SZT2: variants seen among roughly 807,000 people sequenced by gnomAD.
SZT2 encodes the protein KICSTOR complex protein SZT2.
In SZT2, 216 loss-of-function variants were observed where a neutral mutation model predicts 404.2. The observed-to-expected ratio is 0.53, with a 90% CI of 0.48 to 0.60. SZT2 has a LOEUF of 0.60. SZT2 is among the 20% of genes least tolerant of loss of function. The pLI, the probability that SZT2 is intolerant of heterozygous loss-of-function variation, is 0.00. For missense variants in SZT2, 3,857 were observed against 4,459.2 expected (o/e 0.86, Z 3.85); for synonymous variants, 1,693 against 1,749.9 (o/e 0.97, Z 0.81).
intron 1 of SZT2, chr1:43,394,179 G>T: frequency 3.8e-5 from 17 of 442,794 alleles, no homozygotes; most frequent in Non-Finnish European, 5.1e-5. Flanking sequence ...GACCTTGTTA[G>T]AATGTAGATT....
intron 42 of SZT2, 137 bp downstream of exon 42, chr1:43,435,466 G>A (rs1014304327): frequency 2.3e-5 from 23 of 991,742 alleles, no homozygotes; most frequent in Non-Finnish European, 3.2e-5. Flanking sequence ...GAGCAAGGAG[G>A]ATAGGACAGG....
Position 43,439,483 on chromosome 1 carries a change from G to A in SZT2, c.6877+41G>A. 6.3e-7 allele frequency: 1 copy of A among 1,598,202 alleles called. No individual in the cohort carries two copies. Among genetic ancestry groups the A allele is most frequent in the Non-Finnish European group, 8.5e-7 (1 of 1,170,704 alleles). ...CGGGCCTGTGGCACCACCAGGTGAG[G>A]GAAAGCCTTTTGTCATCCTATTGCT... is the stretch of plus-strand genomic sequence containing the variant. On this transcript the variant is annotated intron_variant, in intron 49 of 71. Coordinates refer to ENST00000634258, the MANE Select transcript of SZT2 (RefSeq NM_001365999.1). The surrounding 1 kb of genome is among the most constrained non-coding windows in gnomAD (Gnocchi z 4.2).
In SZT2 at chr1:43,443,181, C is replaced by G; in HGVS notation, c.8420-7C>G. The G allele has an allele frequency of 6.2e-7, 1 of 1,614,160 alleles. No homozygotes were observed. The highest frequency in any genetic ancestry group is 8.5e-7 in the Non-Finnish European group (1 of 1,180,010). On this transcript the variant is annotated splice_region_variant and splice_polypyrimidine_tract_variant and intron_variant, in intron 59 of 71. Coordinates refer to ENST00000634258, the MANE Select transcript of SZT2 (RefSeq NM_001365999.1). ...CTGGGGCTACTACTAATGCCCTCAA[C>G]CCTCAGAGCTGGAGCGCCAGATGAA...
intron 11 of SZT2, 41 bp downstream of exon 11, chr1:43,421,344 C>T: frequency 6.3e-7 from 1 of 1,591,610 alleles, no homozygotes; most frequent in Non-Finnish European, 8.5e-7. Context: ...TTCATGTCAA[C>T]TTGGGTTGCA....
At position 43,430,676 on chromosome 1, in the gene SZT2, G is replaced by A. The variant is rs2153933879; in HGVS notation, c.4661G>A (p.Gly1554Glu). The part of the protein sequence containing the change: ...FSILGGDSPT[G>E]PESFLHDLPP... ...ATCTTGGGGGGCGACTCACCCACTG[G>A]GCCTGAGAGCTTCCTTCATGACCTG... is the stretch of plus-strand genomic sequence containing the variant. The change falls in exon 32 of 72, where the codon GGG becomes GAG. Residue 1554 changes from glycine to glutamate, a missense_variant. Gly to Glu is a moderately conservative substitution (Grantham distance 98, BLOSUM62 -2). Transcript: ENST00000634258. 6.2e-7 allele frequency: 1 copy of A among 1,613,932 alleles called. No homozygotes were observed. Among genetic ancestry groups the A allele is most frequent in the Admixed American group, 1.7e-5 (1 of 60,000 alleles).
At position 43,447,116 on chromosome 1, in the gene SZT2, C is replaced by T. The variant is rs765876583; in HGVS notation, c.9234C>T (p.Phe3078=). 1.9e-6 allele frequency: 3 copies of T among 1,613,848 alleles called. No individual in the cohort carries two copies. The highest frequency in any genetic ancestry group is 2.5e-6 in the Non-Finnish European group (3 of 1,179,994). ...GYHLTTFLRH[F]LAHHPDGPHF... is the part of the protein sequence containing the mutation. ...ACCTCACCACCTTTCTGCGACACTT[C>T]CTGGCCCACCACCCTGACGGACCCC... Residue 3078 remains phenylalanine (F), a synonymous_variant, in exon 66 of 72, where the codon TTC becomes TTT. Transcript: ENST00000634258.
At chr1:43,405,841 C>T (rs1051490812) in intron 4 of SZT2, 1 of 152,260 alleles carries the variant, frequency 6.6e-6, no homozygotes, top group African/African-American at 2.4e-5. Flanking sequence ...GGTTGGCAAA[C>T]ACTTAATGAA....
intron 28 of SZT2, 133 bp from the exon 29 acceptor site, chr1:43,429,570 C>A (rs920615141): frequency 2.0e-5 from 22 of 1,078,286 alleles, no homozygotes; most frequent in Admixed American, 7.1e-5. Context: ...GCCTCTTTTA[C>A]CACCCATGCC....
At position 43,442,769 on chromosome 1, in the gene SZT2, A is replaced by G; in HGVS notation, c.8152-50A>G. On this transcript the variant is annotated intron_variant, in intron 58 of 71. Transcript: ENST00000634258. This position sits in a 1 kb window ranked among gnomAD's most constrained non-coding sequence, Gnocchi z 4.5. ...GAGAGGAAGCCCTGGGATGAGAGAG[A>G]GGGTCCGAGGGCAAAGGCTATGAAC... 1 of 1,544,794 alleles carries G rather than the reference A, an allele frequency of 6.5e-7. No homozygotes were observed. The highest frequency in any genetic ancestry group is 8.7e-7 in the Non-Finnish European group (1 of 1,145,262).
chr1:43,423,209 G>A lies in SZT2; in HGVS notation c.2148G>A (p.Gly716=), dbSNP rs752025743. 6.3e-7 allele frequency: 1 copy of A among 1,597,158 alleles called. No homozygotes were observed. Among genetic ancestry groups the A allele is most frequent in the Non-Finnish European group, 8.5e-7 (1 of 1,179,128 alleles). ...VKRKGLGGAG[G]GSSPSKSPPV... ...GAAAAGGGCTAGGGGGTGCTGGTGG[G>A]GGCAGCTCTCCCTCCAAGTCACCCC... is the stretch of plus-strand genomic sequence containing the variant. The change falls in exon 15 of 72, where the codon GGG becomes GGA. Residue 716 remains glycine (G), a synonymous_variant. Transcript: ENST00000634258.
chr1:43,406,579 G>A (rs1320076757), intron 4 of SZT2: 1 of 152,662 alleles, frequency 6.6e-6, no homozygotes, highest in Non-Finnish European at 1.5e-5. Context: ...AGTAAAATTT[G>A]AATGTGGAAA....
intron 7 of SZT2, among the ~76,000 whole-genome samples, chr1:43,418,001 C>T (rs773070761): frequency 6.6e-6 from 1 of 152,104 alleles, no homozygotes; most frequent in Admixed American, 6.5e-5. Context: ...GGTAACTACA[C>T]TGTGAGAAGT....
At position 43,451,963 on chromosome 1, in the gene SZT2, GGGGTCAGTGATGC is replaced by G; in HGVS notation, c.*1488_*1500del. On this transcript the variant is annotated 3_prime_UTR_variant, in exon 72 of 72. Transcript: ENST00000634258. Reference sequence around the variant, plus strand: ...GCTGGGGCGTGTCCAGGAAGTACTGGGGGTCAGTGATGCGGGTGTTGATGGGCTCCAGCAGTCC... The same window carrying G: ...GCTGGGGCGTGTCCAGGAAGTACTGGGGGTGTTGATGGGCTCCAGCAGTCC... 6.2e-7 allele frequency: 1 copy of G among 1,612,248 alleles called. No individual in the cohort carries two copies. Among genetic ancestry groups the G allele is most frequent in the Non-Finnish European group, 8.5e-7 (1 of 1,178,696 alleles).
rs749077717 is a variant in SZT2, at chr1:43,438,920, A to C, written c.6628-9A>C. 1 of 1,613,560 alleles carries C rather than the reference A, an allele frequency of 6.2e-7. No homozygotes were observed. The highest frequency in any genetic ancestry group is 1.1e-5 in the South Asian group (1 of 91,060). On this transcript the variant is annotated splice_polypyrimidine_tract_variant and intron_variant, in intron 47 of 71. Coordinates refer to ENST00000634258, the MANE Select transcript of SZT2 (RefSeq NM_001365999.1). ...CATTCAGCTCTGCCCTCTTCTTCCC[A>C]CTCTGCAGTTCATCCAGCCCCCTGG...
At chr1:43,422,335 G>A in intron 12 of SZT2, 110 bp downstream of exon 12, 1 of 1,494,744 alleles carries the variant, frequency 6.7e-7, no homozygotes, top group South Asian at 1.3e-5. Context: ...TGTGGCCAAG[G>A]AAAAACTATA....
rs773510484 is a variant in SZT2, at chr1:43,450,082, C to T, written c.10087-21C>T. ...GGGAGGGTCTGTAGGGTCTGTGTCC[C>T]CTCCTCATCTTTCACTGCAGGTTGT... On this transcript the variant is annotated intron_variant, in intron 70 of 71. Coordinates refer to ENST00000634258, the MANE Select transcript of SZT2 (RefSeq NM_001365999.1). The surrounding 1 kb of genome is among the most constrained non-coding windows in gnomAD (Gnocchi z 4.3). 2.8e-5 allele frequency: 45 copies of T among 1,613,888 alleles called. No homozygotes were observed. The highest frequency in any genetic ancestry group is 3.4e-5 in the Non-Finnish European group (40 of 1,179,934).
At position 43,425,421 on chromosome 1, in the gene SZT2, T is replaced by TTCACTCCCTGCCATGAGGC; in HGVS notation, c.2646-51_2646-33dup. 1 of 1,606,772 alleles carries TTCACTCCCTGCCATGAGGC rather than the reference T, an allele frequency of 6.2e-7. No homozygotes were observed. Among genetic ancestry groups the TTCACTCCCTGCCATGAGGC allele is most frequent in the Non-Finnish European group, 8.5e-7 (1 of 1,175,460 alleles). Reference sequence around the variant, plus strand: ...TGCCTGCCTCCTTCCCTCCATGAGGTTCACTCCCTGCCATGAGGCTGTGCA... The same window carrying TTCACTCCCTGCCATGAGGC: ...TGCCTGCCTCCTTCCCTCCATGAGGTTCACTCCCTGCCATGAGGCTCACTCCCTGCCATGAGGCTGTGCA... On this transcript the variant is annotated intron_variant, in intron 18 of 71. Coordinates refer to ENST00000634258, the MANE Select transcript of SZT2 (RefSeq NM_001365999.1). The surrounding 1 kb of genome is among the most constrained non-coding windows in gnomAD (Gnocchi z 4.3).
chr1:43,443,155 C>T (rs754135249), intron 59 of SZT2, 33 bp from the exon 60 acceptor site: 25 of 1,613,786 alleles, frequency 1.5e-5, no homozygotes, highest in South Asian at 2.2e-5. Context: ...AGTGACAATG[C>T]CTGGGGCTAC....
Position 43,451,545 on chromosome 1 carries a change from CTGGGGACAGATGTGGACA to C in SZT2, c.*1066_*1083del, listed in dbSNP as rs1192764674. On this transcript the variant is annotated 3_prime_UTR_variant, in exon 72 of 72. Transcript: ENST00000634258. ...GGGACCTGTGCCACCTGCACATGCC[CTGGGGACAGATGTGGACA>C]AATGTGGGGTCCAGGCTCCTGCCAG... 6.2e-7 allele frequency: 1 copy of C among 1,613,936 alleles called. No homozygotes were observed. The highest frequency in any genetic ancestry group is 1.1e-5 in the South Asian group (1 of 91,062).
Sources: gnomAD v4.1 joint callset for allele counts (sites outside exome capture counted in the v4.1 genomes callset) on GRCh38, gnomAD v4.1.1 for gene constraint, Gnocchi (gnomAD v3.1) non-coding constraint, MANE v1.5 for transcripts, NCBI Gene and HGNC (gene_info 2026-07-23, HGNC 2026-07-21) for gene names.